GSK3B: variants seen among roughly 807,000 people sequenced by gnomAD.
GSK3B encodes the protein glycogen synthase kinase 3 beta, also known as glycogen synthase kinase-3 beta.
A neutral mutation model predicts 56.4 loss-of-function variants in GSK3B; 15 were observed. The ratio of observed to expected loss-of-function variants is 0.27; its 90% CI spans 0.18 to 0.41. The LOEUF is 0.41. Ranked by LOEUF, GSK3B falls within the 10% of genes least tolerant of loss-of-function variation. The probability of loss-of-function intolerance (pLI) is 1.00; values close to 1 mark genes in which losing one functional copy is unlikely to be tolerated. For missense variants in GSK3B, 300 were observed against 513.4 expected (o/e 0.58, Z 4.02); for synonymous variants, 181 against 188.9 (o/e 0.96, Z 0.34).
intron 1 of GSK3B, among the ~76,000 whole-genome samples, chr3:120,020,174 AGC>A (rs2057863910): frequency 1.3e-5 from 2 of 152,346 alleles, no homozygotes; most frequent in Non-Finnish European, 2.9e-5. Flanking sequence ...AAAATAAAAT[AGC>A]AGGTAATAAC....
intron 8 of GSK3B, among the ~76,000 whole-genome samples, 188 bp from the exon 9 acceptor site, chr3:119,863,793 T>A (rs2056140928): frequency 6.6e-6 from 1 of 152,218 alleles, no homozygotes; most frequent in Non-Finnish European, 1.5e-5. Flanking sequence ...AAAGATTATA[T>A]GAGAAATGCT....
chr3:120,094,372 G>A lies in GSK3B; in HGVS notation c.-938C>T. On this transcript the variant is annotated 5_prime_UTR_variant, in exon 1 of 11. Transcript: ENST00000264235. ...TCCTCCTCGCTTCCTTCCTTCCTTTGTCACTTGGCCCGGGCGGCGGCGGCG... is the reference window on the plus strand; with the variant it reads ...TCCTCCTCGCTTCCTTCCTTCCTTTATCACTTGGCCCGGGCGGCGGCGGCG... The A allele has an allele frequency of 3.3e-6, 1 of 304,884 alleles. No homozygotes were observed. 18.9% of individuals were successfully genotyped at this position (304,884 alleles called of 1,614,324 possible).
chr3:120,023,295 T>C (rs2057895076), intron 1 of GSK3B, among the ~76,000 whole-genome samples: 1 of 151,422 alleles, frequency 6.6e-6, no homozygotes, highest in African/African-American at 2.4e-5. Context: ...CTGAAGACTT[T>C]CCTGAGCTGG....
intron 8 of GSK3B, among the ~76,000 whole-genome samples, chr3:119,864,404 A>C (rs60687176): frequency 2.9e-3 from 436 of 152,354 alleles, no homozygotes; most frequent in African/African-American, 0.01. Context: ...ATAAATACAA[A>C]AACTATAAAA....
chr3:120,039,220 AG>A (rs1390760543), intron 1 of GSK3B, among the ~76,000 whole-genome samples: 1 of 152,256 alleles, frequency 6.6e-6, no homozygotes, highest in Admixed American at 6.5e-5. Context: ...GTGAGGCAAC[AG>A]GAACTCTCAC....
chr3:120,004,652 G>A (rs958499594), intron 1 of GSK3B, among the ~76,000 whole-genome samples: 1 of 152,152 alleles, frequency 6.6e-6, no homozygotes, highest in Non-Finnish European at 1.5e-5. Flanking sequence ...TGGACCTCTA[G>A]CAAACTCCAA....
At chr3:119,997,402 C>G (rs191320512) in intron 2 of GSK3B, among the ~76,000 whole-genome samples, 1 of 152,102 alleles carries the variant, frequency 6.6e-6, no homozygotes, top group African/African-American at 2.4e-5. Context: ...CCAAGAGCAA[C>G]AGAAAAATTA....
At chr3:119,954,164 G>A (rs2057186078) in intron 2 of GSK3B, among the ~76,000 whole-genome samples, 1 of 151,794 alleles carries the variant, frequency 6.6e-6, no homozygotes, top group African/African-American at 2.4e-5. Flanking sequence ...TTCCAACTTG[G>A]TGTTATTTTC....
chr3:119,983,698 A>G (rs1413819803), intron 2 of GSK3B, among the ~76,000 whole-genome samples: 1 of 152,224 alleles, frequency 6.6e-6, no homozygotes, highest in Non-Finnish European at 1.5e-5. Flanking sequence ...GAGCACCCAG[A>G]TTCATAAAGC....
intron 3 of GSK3B, among the ~76,000 whole-genome samples, chr3:119,943,953 G>A (rs1207389674): frequency 6.6e-6 from 1 of 151,996 alleles, no homozygotes; most frequent in East Asian, 1.9e-4. Flanking sequence ...GAGGAATCCA[G>A]AAAGGTGAAG....
chr3:119,928,754 T>G (rs954747565), intron 3 of GSK3B, among the ~76,000 whole-genome samples: 1 of 150,982 alleles, frequency 6.6e-6, no homozygotes, highest in Non-Finnish European at 1.5e-5. Context: ...CACATAAAAC[T>G]ATATAGAAGT....
At chr3:119,978,703 G>A (rs947145265) in intron 2 of GSK3B, among the ~76,000 whole-genome samples, 5 of 151,414 alleles carry the variant, frequency 3.3e-5, no homozygotes, top group South Asian at 2.1e-4. Flanking sequence ...TCCCTCGTGC[G>A]GCTGCAGTCC....
chr3:120,079,468 C>T (rs183337379), intron 1 of GSK3B, among the ~76,000 whole-genome samples: 2 of 151,810 alleles, frequency 1.3e-5, no homozygotes, highest in Non-Finnish European at 2.9e-5. Flanking sequence ...AGTATCGGCT[C>T]ATTGCAACCT....
At chr3:120,077,120 A>C (rs1349288386) in intron 1 of GSK3B, among the ~76,000 whole-genome samples, 1 of 152,218 alleles carries the variant, frequency 6.6e-6, no homozygotes, top group Non-Finnish European at 1.5e-5. Flanking sequence ...GGAGGTTTCT[A>C]AAGAAACTAA....
chr3:119,901,017 T>C (rs2056619403), intron 7 of GSK3B, among the ~76,000 whole-genome samples: 1 of 152,168 alleles, frequency 6.6e-6, no homozygotes, highest in Non-Finnish European at 1.5e-5. Flanking sequence ...AATTATCACC[T>C]TCACCAGCAT....
chr3:119,920,868 A>G (rs1227778302), intron 4 of GSK3B, among the ~76,000 whole-genome samples: 2 of 152,222 alleles, frequency 1.3e-5, no homozygotes, highest in African/African-American at 4.8e-5. Flanking sequence ...GATGCATTAC[A>G]TCTGAGAAAA....
chr3:120,012,364 C>G (rs186356302), intron 1 of GSK3B, among the ~76,000 whole-genome samples: 4 of 152,294 alleles, frequency 2.6e-5, no homozygotes, highest in Admixed American at 2.6e-4. Flanking sequence ...AATTTCCTAG[C>G]ATACATGAAA....
At chr3:119,862,525 A>C in intron 9 of GSK3B, among the ~76,000 whole-genome samples, 1 of 8,680 alleles carries the variant, frequency 1.2e-4, no homozygotes, top group African/African-American at 1.4e-4. Context: ...AGAGTATAAT[A>C]AAAAAAAAAA....
intron 8 of GSK3B, among the ~76,000 whole-genome samples, chr3:119,865,203 T>A (rs1362815565): frequency 6.6e-6 from 1 of 151,902 alleles, no homozygotes; most frequent in Non-Finnish European, 1.5e-5. Flanking sequence ...CAAGTTTGCT[T>A]CTGTTTGATA....
Sources: gnomAD v4.1 joint callset for allele counts (sites outside exome capture counted in the v4.1 genomes callset) on GRCh38, gnomAD v4.1.1 for gene constraint, MANE v1.5 for transcripts, NCBI Gene and HGNC (gene_info 2026-07-23, HGNC 2026-07-21) for gene names.